Variants in ACVR2A observed in about 807,000 individuals in gnomAD.
The protein encoded by ACVR2A is activin receptor type-2A.
ACVR2A carries 7 observed loss-of-function variants against 61.4 expected under a neutral mutation model. The observed-to-expected ratio is 0.11, with a 90% CI of 0.06 to 0.21. The LOEUF is 0.21. Among genes scored for constraint, ACVR2A ranks in the 10% least tolerant of loss-of-function variants. ACVR2A has a pLI of 1.00. For missense variants in ACVR2A, 322 were observed against 621.7 expected, an observed-to-expected ratio of 0.52 and a Z score of 5.13; for synonymous variants, 193 against 208.3, an observed-to-expected ratio of 0.93 and a Z score of 0.63.
chr2:147,849,079 A>G (rs966779445), intron 1 of ACVR2A, among the ~76,000 whole-genome samples: 3 of 152,168 alleles, frequency 2.0e-5, no homozygotes, highest in Admixed American at 6.5e-5. Flanking sequence ...ATTCACCAGT[A>G]TAGTATAATA....
intron 1 of ACVR2A, among the ~76,000 whole-genome samples, chr2:147,893,391 C>T (rs535567617): frequency 6.6e-6 from 1 of 152,222 alleles, no homozygotes; most frequent in South Asian, 2.1e-4. Context: ...ACGTAGATAC[C>T]TACACATGTG....
intron 10 of ACVR2A, among the ~76,000 whole-genome samples, 189 bp downstream of exon 10, chr2:147,926,350 A>T (rs12620026): frequency 0.9 from 137,304 of 151,928 alleles, 63,401 homozygotes; most frequent in East Asian, 1. Context: ...ATTGTAAAGT[A>T]ATAGAGCTTT....
Position 147,903,126 on chromosome 2 carries a change from T to C in ACVR2A, c.528+3228T>C, listed in dbSNP as rs1686909578. On this transcript the variant is annotated intron_variant, in intron 4 of 10. Transcript: ENST00000241416. ...GTGTTAGTATTTTGTTCTGAAGAAG[T>C]GATGTAGGGGTATAAGTACTTTAAA... Among the ~76,000 whole-genome samples, 3 of 151,866 alleles carry C rather than the reference T, an allele frequency of 2.0e-5. No homozygotes were observed. The South Asian group carries it at 6.2e-4, about 31-fold the overall frequency.
intron 1 of ACVR2A, among the ~76,000 whole-genome samples, chr2:147,866,635 T>C (rs1573919367): frequency 6.6e-6 from 1 of 151,986 alleles, no homozygotes; most frequent in East Asian, 1.9e-4. Flanking sequence ...CAGAGGTGGG[T>C]AGGGGTCAGG....
Position 147,929,907 on chromosome 2 carries a change from G to C in ACVR2A, c.*2633G>C, listed in dbSNP as rs149975112. ...TAACTTATACTCTTTACCTTGCCCA[G>C]ATCTCCGCGTAAGGAATGCTTTATG... On this transcript the variant is annotated 3_prime_UTR_variant, in exon 11 of 11. Coordinates refer to ENST00000241416, the MANE Select transcript of ACVR2A (RefSeq NM_001616.5). The C allele has an allele frequency of 6.6e-6, 1 of 152,550 alleles. No individual in the cohort carries two copies. Among genetic ancestry groups the C allele is most frequent in the East Asian group, 1.9e-4 (1 of 5,176 alleles). The allele number at this position is 152,550 out of a possible 1,614,324, so 9.4% of individuals were successfully genotyped here.
At chr2:147,858,412 T>C (rs1470944889) in intron 1 of ACVR2A, among the ~76,000 whole-genome samples, 1 of 152,196 alleles carries the variant, frequency 6.6e-6, no homozygotes, top group Non-Finnish European at 1.5e-5. Context: ...AAATATTAGA[T>C]ATTAGAGGGC....
intron 1 of ACVR2A, among the ~76,000 whole-genome samples, chr2:147,852,801 C>T (rs1369638163): frequency 2.0e-5 from 3 of 152,014 alleles, no homozygotes; most frequent in Non-Finnish European, 2.9e-5. Flanking sequence ...CACAAAATAG[C>T]ATCAGGAACA....
At chr2:147,892,610 A>C (rs1271217070) in intron 1 of ACVR2A, among the ~76,000 whole-genome samples, 2 of 151,774 alleles carry the variant, frequency 1.3e-5, no homozygotes, top group African/African-American at 4.8e-5. Flanking sequence ...TTAGTAAAGA[A>C]CAAGTTTTTA....
intron 1 of ACVR2A, among the ~76,000 whole-genome samples, chr2:147,851,572 C>G (rs983475748): frequency 6.6e-6 from 1 of 152,080 alleles, no homozygotes; most frequent in Non-Finnish European, 1.5e-5. Flanking sequence ...ACATATTACT[C>G]TTCCTCTTCT....
chr2:147,846,263 C>A (rs1272136614), intron 1 of ACVR2A, among the ~76,000 whole-genome samples: 1 of 149,626 alleles, frequency 6.7e-6, no homozygotes, highest in Non-Finnish European at 1.5e-5. Context: ...AAGCTTGTGG[C>A]ATAGAATTAC....
chr2:147,888,257 T>C (rs1301688330), intron 1 of ACVR2A, among the ~76,000 whole-genome samples: 1 of 152,184 alleles, frequency 6.6e-6, no homozygotes, highest in Non-Finnish European at 1.5e-5. Context: ...AAGCGGGTGG[T>C]GATTTCTCCC....
chr2:147,857,155 A>G, intron 1 of ACVR2A, among the ~76,000 whole-genome samples: 1 of 152,276 alleles, frequency 6.6e-6, no homozygotes, highest in South Asian at 2.1e-4. Context: ...TTAGGGTCAG[A>G]GAAGAAGGGT....
At chr2:147,919,201 A>G (rs1687322127) in intron 7 of ACVR2A, among the ~76,000 whole-genome samples, 1 of 152,140 alleles carries the variant, frequency 6.6e-6, no homozygotes, top group Admixed American at 6.6e-5. Context: ...AGTAGGCATT[A>G]ACTGATTCAC....
At chr2:147,879,070 A>G (rs965081248) in intron 1 of ACVR2A, among the ~76,000 whole-genome samples, 5 of 152,184 alleles carry the variant, frequency 3.3e-5, no homozygotes, top group Non-Finnish European at 4.4e-5. Context: ...ACTAAATGCA[A>G]TCAAACTGTT....
intron 4 of ACVR2A, among the ~76,000 whole-genome samples, chr2:147,908,998 A>G (rs564880027): frequency 3.9e-5 from 6 of 152,296 alleles, no homozygotes; most frequent in African/African-American, 1.4e-4. Context: ...TGTGTTTACT[A>G]AATATCTCCA....
intron 1 of ACVR2A, among the ~76,000 whole-genome samples, chr2:147,889,647 T>C (rs1454489038): frequency 1.3e-5 from 2 of 151,934 alleles, no homozygotes; most frequent in African/African-American, 4.8e-5. Flanking sequence ...CTTGGGAGGC[T>C]GAGGCAGGAG....
intron 1 of ACVR2A, among the ~76,000 whole-genome samples, chr2:147,872,029 A>G (rs1270706152): frequency 6.6e-6 from 1 of 152,030 alleles, no homozygotes; most frequent in Admixed American, 6.6e-5. Context: ...CTTTTACCCA[A>G]CATAGTGACA....
At chr2:147,888,722 TATACCAGC>T (rs1686505246) in intron 1 of ACVR2A, among the ~76,000 whole-genome samples, 1 of 151,582 alleles carries the variant, frequency 6.6e-6, no homozygotes, top group East Asian at 1.9e-4. Flanking sequence ...AATTCCTCCG[TATACCAGC>T]ATGTCATCTG....
chr2:147,909,273 A>G (rs897105058), intron 4 of ACVR2A, among the ~76,000 whole-genome samples: 3 of 152,094 alleles, frequency 2.0e-5, no homozygotes, highest in African/African-American at 7.2e-5. Context: ...ATTCCTTTTT[A>G]TTAGTGTGAA....
Sources: gnomAD v4.1 joint callset for allele counts (sites outside exome capture counted in the v4.1 genomes callset) on GRCh38, gnomAD v4.1.1 for gene constraint, MANE v1.5 for transcripts, NCBI Gene and HGNC (gene_info 2026-07-23, HGNC 2026-07-21) for gene names.